TRIM31: variants seen among roughly 807,000 people sequenced by gnomAD.
TRIM31 encodes E3 ubiquitin-protein ligase TRIM31.
A neutral mutation model predicts 40.6 loss-of-function variants in TRIM31; 31 were observed. That is an observed-to-expected ratio of 0.76 (90% CI 0.57 to 1.03). The LOEUF (loss-of-function observed/expected upper bound fraction) is 1.03. TRIM31 is among the 50% of genes least tolerant of loss of function. The pLI, the probability that TRIM31 is intolerant of heterozygous loss-of-function variation, is 0.00. For synonymous variants in TRIM31, 164 were observed against 193.9 expected, an observed-to-expected ratio of 0.85 and a Z score of 1.28; for missense variants, 455 against 497.5, an observed-to-expected ratio of 0.91 and a Z score of 0.81.
intron 4 of TRIM31, among the ~76,000 whole-genome samples, chr6:30,109,759 T>C (rs1769104581): frequency 6.6e-6 from 1 of 152,068 alleles, no homozygotes; most frequent in African/African-American, 2.4e-5. Flanking sequence ...TGGGGACCTG[T>C]AATCCCAGCT....
intron 6 of TRIM31, 160 bp downstream of exon 6, chr6:30,107,893 G>A (rs1768875319): frequency 8.2e-6 from 5 of 607,928 alleles, no homozygotes; most frequent in East Asian, 5.5e-5. Context: ...TGCCTGGGAG[G>A]AGGCATACTG....
intron 4 of TRIM31, 69 bp downstream of exon 4, chr6:30,110,379 G>C (rs549223875): frequency 2.0e-6 from 3 of 1,478,710 alleles, no homozygotes; most frequent in Non-Finnish European, 1.9e-6. Context: ...TCTGCCAGTG[G>C]TCCATGCTCT....
chr6:30,104,190 C>T, intron 7 of TRIM31, 23 bp from the exon 8 acceptor site: 1 of 1,611,538 alleles, frequency 6.2e-7, no homozygotes, highest in Non-Finnish European at 8.5e-7. Flanking sequence ...GAGAGAAAAC[C>T]TATTTGGTCT....
chr6:30,111,536 G>C, intron 3 of TRIM31, 112 bp downstream of exon 3: 1 of 1,088,934 alleles, frequency 9.2e-7, no homozygotes, highest in South Asian at 1.5e-5. Context: ...GCGCCGAGGA[G>C]AGGACATGGC....
intron 3 of TRIM31, 151 bp downstream of exon 3, chr6:30,111,497 T>G: frequency 1.4e-6 from 1 of 703,024 alleles, no homozygotes; most frequent in South Asian, 1.9e-5. Context: ...ACGCGGGAGG[T>G]GATGCCGCCT....
At position 30,111,698 on chromosome 6, in the gene TRIM31, C is replaced by G. The variant is rs1382645473; in HGVS notation, c.463G>C (p.Glu155Gln). ...QIQVLQQKEK[E>Q]TVQVKAQGVH... ...CCTTGTGCCTTCACTTGTACTGTCTCCTTCTCCTTTTGCTGCAAGACTTGG... is the reference window on the plus strand; with the variant it reads ...CCTTGTGCCTTCACTTGTACTGTCTGCTTCTCCTTTTGCTGCAAGACTTGG... The change falls in exon 3 of 9, where the codon GAG (glutamate) becomes CAG (glutamine). Residue 155 changes from glutamate to glutamine, a missense_variant. Transcript: ENST00000376734. The G allele has an allele frequency of 5.0e-6, 8 of 1,614,224 alleles. No homozygotes were observed. The highest frequency in any genetic ancestry group is 6.8e-6 in the Non-Finnish European group (8 of 1,180,044).
intron 7 of TRIM31, 130 bp from the exon 8 acceptor site, chr6:30,104,297 AG>A: frequency 1.1e-6 from 1 of 882,884 alleles, no homozygotes; most frequent in South Asian, 1.5e-5. Flanking sequence ...TTCCCCACCC[AG>A]GGGGAAGTGT....
At chr6:30,107,690 A>C (rs1768852948) in intron 6 of TRIM31, 1 of 192,978 alleles carries the variant, frequency 5.2e-6, no homozygotes, top group Admixed American at 5.8e-5. Flanking sequence ...TGTGCACCAG[A>C]GAAGGAGAAG....
chr6:30,105,213 C>A lies in TRIM31; in HGVS notation c.913G>T (p.Glu305Ter). The A allele has an allele frequency of 6.2e-7, 1 of 1,612,782 alleles. No individual in the cohort carries two copies. Among genetic ancestry groups the A allele is most frequent in the Non-Finnish European group, 8.5e-7 (1 of 1,179,906 alleles). ...DQLQADRKKD[E>*]NRFFKSMNKN... The stretch of plus-strand genomic sequence containing the variant: ...TTCATGCTTTTGAAGAATCTGTTTT[C>A]ATCTTTTTTCCTATCAGCCTGGAGT... Residue 305 changes from glutamate (E) to a stop codon, truncating the protein, a stop_gained, in exon 7 of 9, where the codon GAA becomes TAA. Coordinates refer to ENST00000376734, the MANE Select transcript of TRIM31 (RefSeq NM_007028.5). LOFTEE classifies it high-confidence loss of function.
At position 30,112,451 on chromosome 6, in the gene TRIM31, C is replaced by T; in HGVS notation, c.355G>A (p.Glu119Lys). Reference protein sequence around the residue: ...DGKFLCFVCRESKDHKSHNVS... With the variant: ...DGKFLCFVCRKSKDHKSHNVS... ...TTATGGGATTTGTGGTCCTTGGATT[C>T]ACGACACACAAAACAGAGGAACTTC... The change falls in exon 2 of 9, where the codon GAA becomes AAA. Residue 119 changes from glutamate to lysine, a missense_variant. Physicochemically the swap from Glu to Lys is moderately conservative, Grantham distance 56. Coordinates refer to ENST00000376734, the MANE Select transcript of TRIM31 (RefSeq NM_007028.5). The T allele has an allele frequency of 6.2e-7, 1 of 1,613,096 alleles. No individual in the cohort carries two copies. Among genetic ancestry groups the T allele is most frequent in the Non-Finnish European group, 8.5e-7 (1 of 1,180,036 alleles).
chr6:30,112,488 G>A lies in TRIM31; in HGVS notation c.318C>T (p.Cys106=), dbSNP rs772682330. Residue 106 remains cysteine, a synonymous_variant, in exon 2 of 9, where the codon TGC becomes TGT. Coordinates refer to ENST00000376734, the MANE Select transcript of TRIM31 (RefSeq NM_007028.5). ...PRHQEMFHYF[C]EDDGKFLCFV... Reference sequence around the variant, plus strand: ...AACAGAGGAACTTCCCATCATCCTCGCAGAAATAGTGGAACATCTCCTGGT... The same window carrying A: ...AACAGAGGAACTTCCCATCATCCTCACAGAAATAGTGGAACATCTCCTGGT... 140 of 1,612,992 alleles carry A rather than the reference G, an allele frequency of 8.7e-5. No individual in the cohort carries two copies. The highest frequency in any genetic ancestry group is 9.6e-5 in the Non-Finnish European group (113 of 1,180,056).
intron 6 of TRIM31, among the ~76,000 whole-genome samples, chr6:30,106,396 C>A (rs779450548): frequency 6.6e-6 from 1 of 152,150 alleles, no homozygotes; most frequent in Non-Finnish European, 1.5e-5. Flanking sequence ...GGCTTCAGGG[C>A]CCAGCCACAC....
chr6:30,108,658 G>T, intron 5 of TRIM31: 1 of 389,248 alleles, frequency 2.6e-6, no homozygotes, highest in Non-Finnish European at 4.7e-6. Flanking sequence ...CGGGAGTGAG[G>T]TAGGGCATAG....
At chr6:30,107,664 C>T in intron 6 of TRIM31, 1 of 165,706 alleles carries the variant, frequency 6.0e-6, no homozygotes, top group Non-Finnish European at 1.3e-5. Flanking sequence ...CTTCTGTAGG[C>T]AGGAGGAGAC....
chr6:30,108,329 C>A, intron 5 of TRIM31, 161 bp from the exon 6 acceptor site: 1 of 592,196 alleles, frequency 1.7e-6, no homozygotes, highest in Admixed American at 2.8e-5. Flanking sequence ...GAGGCTGAGG[C>A]GGGTGGATCA....
rs768328397 is a variant in TRIM31, at chr6:30,112,462, A to G, written c.344T>C (p.Phe115Ser). The change falls in exon 2 of 9, where the codon TTT becomes TCT. Residue 115 changes from phenylalanine (F) to serine (S), a missense_variant. Phe to Ser is a radical substitution (Grantham distance 155, BLOSUM62 -2). Coordinates refer to ENST00000376734, the MANE Select transcript of TRIM31 (RefSeq NM_007028.5). ...GTGGTCCTTGGATTCACGACACACA[A>G]AACAGAGGAACTTCCCATCATCCTC... ...FCEDDGKFLC[F>S]VCRESKDHKS... 3.7e-6 allele frequency: 6 copies of G among 1,612,994 alleles called. No homozygotes were observed. The highest frequency in any genetic ancestry group is 1.3e-5 in the African/African-American group (1 of 74,926).
intron 6 of TRIM31, among the ~76,000 whole-genome samples, chr6:30,106,577 A>C (rs1346171439): frequency 6.7e-6 from 1 of 149,290 alleles, no homozygotes; most frequent in African/African-American, 2.4e-5. Context: ...CTTTGGGGTA[A>C]AAATAAAATA....
Position 30,112,749 on chromosome 6 carries a change from G to T in TRIM31, c.57C>A (p.Cys19Ter). 2 of 1,612,940 alleles carry T rather than the reference G, an allele frequency of 1.2e-6. No homozygotes were observed. The highest frequency in any genetic ancestry group is 1.7e-6 in the Non-Finnish European group (2 of 1,179,948). Residue 19 changes from cysteine (C) to a stop codon, truncating the protein, a stop_gained, in exon 2 of 9, where the codon TGC (cysteine) becomes TGA (stop). Coordinates refer to ENST00000376734, the MANE Select transcript of TRIM31 (RefSeq NM_007028.5). LOFTEE classifies it high-confidence loss of function. ...KLQEEVICPI[C>*]LDILQKPVTI... is the part of the protein sequence containing the mutation. ...TGACAGGTTTCTGCAGAATGTCCAG[G>T]CAGATGGGGCAGATCACTTCCTCTT...
At chr6:30,110,027 T>TAAAAAAAAA (rs9280894) in intron 4 of TRIM31, among the ~76,000 whole-genome samples, 1 of 118,228 alleles carries the variant, frequency 8.5e-6, no homozygotes, top group African/African-American at 3.3e-5. Flanking sequence ...AGACTCAGTG[T>TAAAAAAAAA]AAAAAAAAAA....
Sources: gnomAD v4.1 joint callset for allele counts (sites outside exome capture counted in the v4.1 genomes callset) on GRCh38, gnomAD v4.1.1 for gene constraint, MANE v1.5 for transcripts, NCBI Gene and HGNC (gene_info 2026-07-23, HGNC 2026-07-21) for gene names.